Variants in LRBA observed in about 807,000 individuals in gnomAD.
The protein encoded by LRBA is lipopolysaccharide-responsive and beige-like anchor protein.
Under a neutral mutation model 330.0 loss-of-function variants are expected in LRBA, and 176 were observed. That is an observed-to-expected ratio of 0.53 (90% CI 0.47 to 0.60). LRBA has a LOEUF of 0.60. Among genes scored for constraint, LRBA ranks in the 20% least tolerant of loss-of-function variants. The pLI, the probability that LRBA is intolerant of heterozygous loss-of-function variation, is 0.00. For missense variants in LRBA, 3,259 were observed against 3,444.8 expected (o/e 0.95, Z 1.35); for synonymous variants, 1,230 against 1,193.0 (o/e 1.03, Z -0.64).
rs890794296 is a variant in LRBA, at chr4:150,717,701, A to AATAATAATAATAATAATAATAATC, written c.5754+17556_5754+17557insGATTATTATTATTATTATTATTAT. On this transcript the variant is annotated intron_variant, in intron 36 of 56. Coordinates refer to ENST00000651943, the MANE Select transcript of LRBA (RefSeq NM_001364905.1). ...TAATAATAATAATAATAATAATAAT[A>AATAATAATAATAATAATAATAATC]ATCAGTGCTTTCATGGTCTTTATTT... Among the ~76,000 whole-genome samples, 119 of 148,048 alleles carry AATAATAATAATAATAATAATAATC rather than the reference A, an allele frequency of 8.0e-4. 1 individual carries two copies. Among genetic ancestry groups the AATAATAATAATAATAATAATAATC allele is most frequent in the Middle Eastern group, 7.1e-3 (2 of 280 alleles).
Position 150,563,810 on chromosome 4 carries a change from A to G in LRBA, c.6330+24238T>C, listed in dbSNP as rs187589188. ...TTGCAACAAAGAGAATAAAATACCT[A>G]GGAAGCCAACTCACAAGGGATGTGA... On this transcript the variant is annotated intron_variant, in intron 40 of 56. Transcript: ENST00000651943. Among the ~76,000 whole-genome samples, 6 of 152,304 alleles carry G rather than the reference A, an allele frequency of 3.9e-5. No individual in the cohort carries two copies. In the East Asian group the frequency reaches 1.2e-3, roughly 29 times the overall value.
At chr4:151,009,506 G>A (rs113967555) in intron 2 of LRBA, among the ~76,000 whole-genome samples, 3,002 of 148,670 alleles carry the variant, frequency 0.02, 39 homozygotes, top group Non-Finnish European at 0.032. Flanking sequence ...CCAAGATCGC[G>A]CCACTGCACT....
chr4:151,004,199 G>A (rs561354891), intron 2 of LRBA, among the ~76,000 whole-genome samples: 1 of 152,212 alleles, frequency 6.6e-6, no homozygotes, highest in East Asian at 1.9e-4. Context: ...ACCATGCCCG[G>A]CTAATTTTTG....
At chr4:150,866,188 G>A (rs1478781708) in intron 22 of LRBA, among the ~76,000 whole-genome samples, 1 of 152,088 alleles carries the variant, frequency 6.6e-6, no homozygotes, top group Non-Finnish European at 1.5e-5. Flanking sequence ...TTCCTTCTGA[G>A]TAATGAAAAA....
intron 44 of LRBA, among the ~76,000 whole-genome samples, chr4:150,449,072 A>G (rs1753023833): frequency 6.6e-6 from 1 of 152,102 alleles, no homozygotes; most frequent in African/African-American, 2.4e-5. Flanking sequence ...AATGGCAACA[A>G]AACAGAAATC....
intron 52 of LRBA, among the ~76,000 whole-genome samples, chr4:150,305,635 C>T (rs1271747817): frequency 6.6e-6 from 1 of 152,032 alleles, no homozygotes; most frequent in Non-Finnish European, 1.5e-5. Context: ...ATGACAATAA[C>T]AAGATAGAAC....
intron 37 of LRBA, among the ~76,000 whole-genome samples, chr4:150,649,413 C>T (rs1779502456): frequency 6.6e-6 from 1 of 152,168 alleles, no homozygotes; most frequent in African/African-American, 2.4e-5. Flanking sequence ...TCTGTACATG[C>T]TCTTCTATCT....
intron 13 of LRBA, among the ~76,000 whole-genome samples, chr4:150,905,293 C>T (rs1731206715): frequency 6.6e-6 from 1 of 151,596 alleles, no homozygotes; most frequent in African/African-American, 2.4e-5. Flanking sequence ...GAAAAAGTGA[C>T]ATTTCAGTGG....
intron 40 of LRBA, among the ~76,000 whole-genome samples, chr4:150,511,415 T>C (rs1419306706): frequency 1.3e-5 from 2 of 152,190 alleles, no homozygotes; most frequent in South Asian, 4.1e-4. Flanking sequence ...GTTCTTATCA[T>C]CTTTTACCAT....
At chr4:150,997,594 TTAAGA>T (rs1742808390) in intron 2 of LRBA, among the ~76,000 whole-genome samples, 1 of 152,168 alleles carries the variant, frequency 6.6e-6, no homozygotes, top group Admixed American at 6.5e-5. Context: ...AAAAAAAGAA[TTAAGA>T]TAAAGTAGTA....
intron 36 of LRBA, among the ~76,000 whole-genome samples, chr4:150,728,865 G>C (rs1235467507): frequency 6.6e-6 from 1 of 152,126 alleles, no homozygotes; most frequent in Non-Finnish European, 1.5e-5. Flanking sequence ...TCCAACAAGA[G>C]AAGGAGATAA....
intron 53 of LRBA, among the ~76,000 whole-genome samples, chr4:150,291,154 T>G (rs1284095559): frequency 7.0e-6 from 1 of 142,812 alleles, no homozygotes; most frequent in African/African-American, 2.6e-5. Flanking sequence ...CCCCTTCCTG[T>G]GTCCATGTGA....
intron 17 of LRBA, among the ~76,000 whole-genome samples, chr4:150,879,239 T>A (rs1728100146): frequency 6.6e-6 from 1 of 152,072 alleles, no homozygotes; most frequent in South Asian, 2.1e-4. Context: ...TAAATATGAT[T>A]CAATACAAAC....
chr4:150,387,300 T>C (rs779767988), intron 47 of LRBA, among the ~76,000 whole-genome samples: 4 of 152,212 alleles, frequency 2.6e-5, no homozygotes, highest in Admixed American at 6.5e-5. Flanking sequence ...CATAAGGCAA[T>C]CTATATTACC....
chr4:150,997,428 A>T (rs1742785751), intron 2 of LRBA, among the ~76,000 whole-genome samples: 1 of 152,242 alleles, frequency 6.6e-6, no homozygotes, highest in Non-Finnish European at 1.5e-5. Context: ...ATCCCCATGC[A>T]GATAAACATG....
intron 47 of LRBA, among the ~76,000 whole-genome samples, chr4:150,396,637 C>A (rs553557318): frequency 4.6e-5 from 7 of 152,236 alleles, no homozygotes; most frequent in Non-Finnish European, 7.4e-5. Context: ...TTCAATCACT[C>A]TAGAGAATCA....
rs562981599 is a variant in LRBA, at chr4:150,285,974, G to T, written c.8078C>A (p.Ala2693Glu). Residue 2693 changes from alanine to glutamate, a missense_variant, in exon 54 of 57, where the codon GCG becomes GAG. Ala to Glu is a moderately radical substitution (Grantham distance 107). Transcript: ENST00000651943. ...TGHDYEVTCA[A>E]VCAELGLVLS... is the part of the protein sequence containing the mutation. Reference sequence around the variant, plus strand: ...CACCAGGCCTAGCTCCGCACACACCGCAGCACATGTGACCTCATAGTCATG... The same window carrying T: ...CACCAGGCCTAGCTCCGCACACACCTCAGCACATGTGACCTCATAGTCATG... The T allele has an allele frequency of 1.3e-6, 2 of 1,598,924 alleles. No homozygotes were observed. Among genetic ancestry groups the T allele is most frequent in the African/African-American group, 1.3e-5 (1 of 74,600 alleles).
chr4:150,855,774 A>G (rs1560921625), intron 22 of LRBA, among the ~76,000 whole-genome samples: 1 of 152,188 alleles, frequency 6.6e-6, no homozygotes, highest in Non-Finnish European at 1.5e-5. Flanking sequence ...TAGTTTTACT[A>G]TCTATATACT....
intron 40 of LRBA, among the ~76,000 whole-genome samples, chr4:150,521,510 C>T (rs941925250): frequency 3.3e-5 from 5 of 152,150 alleles, no homozygotes; most frequent in African/African-American, 4.8e-5. Context: ...ACACCTCAGC[C>T]TCCCACAGTG....
Sources: gnomAD v4.1 joint callset for allele counts (sites outside exome capture counted in the v4.1 genomes callset) on GRCh38, gnomAD v4.1.1 for gene constraint, MANE v1.5 for transcripts, NCBI Gene and HGNC (gene_info 2026-07-23, HGNC 2026-07-21) for gene names.